TEP1: variants seen among roughly 807,000 people sequenced by gnomAD.
TEP1 encodes telomerase protein component 1.
A neutral mutation model predicts 306.3 loss-of-function variants in TEP1; 241 were observed. The ratio of observed to expected loss-of-function variants is 0.79; its 90% CI spans 0.71 to 0.88. The LOEUF (loss-of-function observed/expected upper bound fraction) is 0.88, where lower values mean the gene tolerates loss of function less well. Among genes scored for constraint, TEP1 ranks in the 40% least tolerant of loss-of-function variants. TEP1 has a pLI of 0.00. For missense variants in TEP1, 3,051 were observed against 3,276.1 expected (o/e 0.93, Z 1.68); for synonymous variants, 1,289 against 1,305.5 (o/e 0.99, Z 0.27).
At chr14:20,408,843 AC>A (rs200508725) in intron 1 of TEP1, among the ~76,000 whole-genome samples, 4,328 of 150,598 alleles carry the variant, frequency 0.029, 115 homozygotes, top group African/African-American at 0.069. Context: ...AAAAAAAAAA[AC>A]AACAAAAAGG....
rs1260215969 is a variant in TEP1, at chr14:20,380,490, C to A, written c.4763-15G>T. 1.9e-6 allele frequency: 3 copies of A among 1,602,650 alleles called. No homozygotes were observed. Among genetic ancestry groups the A allele is most frequent in the Non-Finnish European group, 2.6e-6 (3 of 1,175,980 alleles). ...GACTGAAGAAGCTATAAAAGGGTGGCAGAATGTCACTGGGGAGCCAGCTGG... is the reference window on the plus strand; with the variant it reads ...GACTGAAGAAGCTATAAAAGGGTGGAAGAATGTCACTGGGGAGCCAGCTGG... On this transcript the variant is annotated splice_polypyrimidine_tract_variant and intron_variant, in intron 33 of 54. Transcript: ENST00000262715.
chr14:20,389,213 C>CCTTCAGTATCCATTCTGTACTCA, intron 17 of TEP1, 25 bp downstream of exon 17: 1 of 1,609,214 alleles, frequency 6.2e-7, no homozygotes, highest in Non-Finnish European at 8.5e-7. Context: ...AGTATCCAAC[C>CCTTCAGTATCCATTCTGTACTCA]CTTCAGTATC....
rs147374863 is a variant in TEP1 at position 20,406,937 on chromosome 14, C to A, written c.568-537G>T. On this transcript the variant is annotated intron_variant, in intron 2 of 54. Transcript: ENST00000262715. The stretch of plus-strand genomic sequence containing the variant: ...AGCAGTTGTAATCCTGATAACAACC[C>A]TGTGAAGTAGATTTTCATTAAATTC... 5.5e-3 allele frequency among the ~76,000 whole-genome samples: 841 copies of A among 152,256 alleles called. 8 individuals are homozygous for A. Among genetic ancestry groups the A allele is most frequent in the African/African-American group, 0.019 (805 of 41,536 alleles).
intron 17 of TEP1, among the ~76,000 whole-genome samples, chr14:20,388,666 G>A (rs993459764): frequency 1.3e-5 from 2 of 152,164 alleles, no homozygotes; most frequent in Admixed American, 6.5e-5. Context: ...TTTCCTACTG[G>A]ATATAATACA....
intron 7 of TEP1, among the ~76,000 whole-genome samples, chr14:20,402,952 T>C (rs893326442): frequency 1.3e-5 from 2 of 151,490 alleles, no homozygotes; most frequent in African/African-American, 4.9e-5. Flanking sequence ...AGGTCAGGAG[T>C]TCGAGACCAG....
rs906651537 is a variant in TEP1, at chr14:20,372,616, C to G, written c.7076+117G>C. On this transcript the variant is annotated intron_variant, in intron 49 of 54. Transcript: ENST00000262715. ...GACAGAAGCAGAAAATAATGTCCCA[C>G]TCAGTAACTAACATCCAATTGACCT... The G allele has an allele frequency of 8.1e-5, 119 of 1,467,762 alleles. 2 individuals carry two copies. In the South Asian group the frequency reaches 1.3e-3, roughly 16 times the overall value. The allele number at this position is 1,467,762 out of a possible 1,614,324, so 90.9% of individuals were successfully genotyped here.
At position 20,383,597 on chromosome 14, in the gene TEP1, T is replaced by C. The variant is rs74369960; in HGVS notation, c.3758A>G (p.Glu1253Gly). The change falls in exon 26 of 55, where the codon GAG becomes GGG. Residue 1253 changes from glutamate to glycine, a missense_variant. By Grantham distance (98) the Glu-to-Gly change is moderately conservative (BLOSUM62 -2). Transcript: ENST00000262715. ...CTGGGTCTGGCCAGGATGCAGGGAC[T>C]CAGCAGACTTGGGCAGCAGCCTCTG... ...LQQRLLPKSA[E>G]SLHPGQTQVL... 0.02 allele frequency: 32,425 copies of C among 1,613,842 alleles called. 494 individuals carry two copies. The highest frequency in any genetic ancestry group is 0.021 in the Non-Finnish European group (25,237 of 1,179,924).
rs112423176 is a variant in TEP1, at chr14:20,368,506, G to A, written c.7815C>T (p.Gly2605=). ...CGGCAAGCTGCAGGGTGGAGTTAGC[G>A]CCCAGCCAAGGTTCCAGGCAGCTCA... ...GSVSCLEPWL[G]ANSTLQLAVG... Residue 2605 remains glycine, a synonymous_variant, in exon 55 of 55, where the codon GGC becomes GGT. Transcript: ENST00000262715. 333 of 1,614,048 alleles carry A rather than the reference G, an allele frequency of 2.1e-4. 1 individual carries two copies. Among genetic ancestry groups the A allele is most frequent in the African/African-American group, 5.3e-4 (40 of 74,916 alleles).
chr14:20,369,310 C>A, intron 53 of TEP1, 34 bp downstream of exon 53: 1 of 1,610,486 alleles, frequency 6.2e-7, no homozygotes, highest in Non-Finnish European at 8.5e-7. Flanking sequence ...TCCCAGCCCT[C>A]CCCTAGTATT....
At chr14:20,406,120 G>T in intron 3 of TEP1, 113 bp downstream of exon 3, 1 of 944,410 alleles carries the variant, frequency 1.1e-6, no homozygotes, top group Non-Finnish European at 1.6e-6. Flanking sequence ...ATAAGAGCTA[G>T]GTTGTATCCC....
intron 6 of TEP1, 114 bp downstream of exon 6, chr14:20,403,609 A>G (rs1878933893): frequency 1.3e-5 from 20 of 1,587,952 alleles, no homozygotes; most frequent in Non-Finnish European, 1.5e-5. Flanking sequence ...GCTCCCCTGC[A>G]TTTCTCTGAC....
intron 5 of TEP1, 115 bp downstream of exon 5, chr14:20,404,496 A>G: frequency 3.0e-6 from 4 of 1,336,398 alleles, no homozygotes; most frequent in Admixed American, 2.6e-5. Context: ...CTGGGCACCA[A>G]TGCTGAGGAA....
rs938886 is a variant in TEP1 at position 20,369,542 on chromosome 14, G to T, written c.7458C>A (p.Ile2486=). The change falls in exon 53 of 55, where the codon ATC becomes ATA. Residue 2486 remains isoleucine, a synonymous_variant. Transcript: ENST00000262715. ...SSFLCASSDG[I]LWNLAKCSPE... is the part of the protein sequence containing the mutation. ...GGCTGCATTTGGCCAGGTTCCATAGGATCCCATCAGAGCTGGCACACAAAA... is the reference window on the plus strand; with the variant it reads ...GGCTGCATTTGGCCAGGTTCCATAGTATCCCATCAGAGCTGGCACACAAAA... 29 of 1,613,706 alleles carry T rather than the reference G, an allele frequency of 1.8e-5. No homozygotes were observed. Among genetic ancestry groups the T allele is most frequent in the Non-Finnish European group, 2.4e-5 (28 of 1,179,944 alleles).
Position 20,383,798 on chromosome 14 carries a change from A to G in TEP1, c.3655T>C (p.Cys1219Arg). 1 of 1,610,852 alleles carries G rather than the reference A, an allele frequency of 6.2e-7. No individual in the cohort carries two copies. Among genetic ancestry groups the G allele is most frequent in the Non-Finnish European group, 8.5e-7 (1 of 1,179,392 alleles). The change falls in exon 25 of 55, where the codon TGT (cysteine) becomes CGT (arginine). Residue 1219 changes from cysteine (C) to arginine (R), a missense_variant. Coordinates refer to ENST00000262715, the MANE Select transcript of TEP1 (RefSeq NM_007110.5). Reference sequence around the variant, plus strand: ...TTTAGTTGGCCACGCAGATAGGTACAGAGGCGTCTGAGCAGAGTGAGGGCA... The same window carrying G: ...TTTAGTTGGCCACGCAGATAGGTACGGAGGCGTCTGAGCAGAGTGAGGGCA... Reference protein sequence around the residue: ...GLALTLLRRLCTYLRGQLKEP... With the variant: ...GLALTLLRRLRTYLRGQLKEP...
At chr14:20,371,137 T>C in intron 51 of TEP1, 81 bp downstream of exon 51, 1 of 1,205,152 alleles carries the variant, frequency 8.3e-7, no homozygotes, top group Non-Finnish European at 1.2e-6. Flanking sequence ...CCCTTCCCTA[T>C]CCTCCATGAC....
Position 20,381,408 on chromosome 14 carries a change from G to GA in TEP1, c.4559-8dup. 1 of 1,614,046 alleles carries GA rather than the reference G, an allele frequency of 6.2e-7. No individual in the cohort carries two copies. The highest frequency in any genetic ancestry group is 1.1e-5 in the South Asian group (1 of 91,072). ...CATGTCTTCCAGAGCTGAGCTGCAT[G>GA]AACAGATATTGAGAAAGGCTCAGCC... On this transcript the variant is annotated splice_polypyrimidine_tract_variant and splice_region_variant and intron_variant, in intron 31 of 54. Transcript: ENST00000262715. The surrounding 1 kb of genome is among the most constrained non-coding windows in gnomAD (Gnocchi z 4.0).
In TEP1 at chr14:20,391,765, T is replaced by A. The variant is rs753615869; in HGVS notation, c.1931A>T (p.Gln644Leu). The A allele has an allele frequency of 1.2e-5, 20 of 1,613,728 alleles. No homozygotes were observed. The highest frequency in any genetic ancestry group is 1.6e-5 in the Non-Finnish European group (19 of 1,179,796). Residue 644 changes from glutamine to leucine, a missense_variant and splice_region_variant, in exon 13 of 55, where the codon CAG becomes CTG. By Grantham distance (113) the Gln-to-Leu change is moderately radical. This residue lies in a region of TEP1 where 1,507 missense variants were observed against 1,550.5 expected (regional missense o/e 0.97). Coordinates refer to ENST00000262715, the MANE Select transcript of TEP1 (RefSeq NM_007110.5). ...REKLRVHKAR[Q>L]WKYDGEMLNR... The stretch of plus-strand genomic sequence containing the variant: ...CAGCATCTCACCATCATATTTCCAC[T>A]GTCTACATGCAAGAAAGACACAGAC...
intron 15 of TEP1, 131 bp downstream of exon 15, chr14:20,390,550 G>T (rs1215143463): frequency 1.2e-6 from 1 of 822,288 alleles, no homozygotes; most frequent in Non-Finnish European, 2.0e-6. Context: ...GTAGGGGGTT[G>T]TAGCCAGTAG....
chr14:20,379,015 G>C lies in TEP1; in HGVS notation c.5218C>G (p.Leu1740Val), dbSNP rs1442309614. 1.4e-5 allele frequency: 22 copies of C among 1,614,108 alleles called. No homozygotes were observed. The highest frequency in any genetic ancestry group is 1.8e-5 in the Non-Finnish European group (21 of 1,180,056). ...DTLFLTAFDGLLELWDLQHGC... is the reference protein window; with the variant it reads ...DTLFLTAFDGVLELWDLQHGC... ...TGCTGCAGGTCCCAGAGCTCCAGGA[G>C]CCCGTCGAAGGCAGTAAGAAAGAGT... Residue 1740 changes from leucine (L) to valine (V), a missense_variant, in exon 36 of 55, where the codon CTC becomes GTC. Around this residue, in one of 3 missense-constraint regions of TEP1, gnomAD observed 1,540 missense variants for 1,705.9 expected, o/e 0.90. Transcript: ENST00000262715.
Sources: gnomAD v4.1 joint callset for allele counts (sites outside exome capture counted in the v4.1 genomes callset) on GRCh38, gnomAD v4.1.1 for gene constraint, gnomAD v4.1.1 regional missense constraint, Gnocchi (gnomAD v3.1) non-coding constraint, MANE v1.5 for transcripts, NCBI Gene and HGNC (gene_info 2026-07-23, HGNC 2026-07-21) for gene names.